The following GOLGB1 variants were observed in gnomAD, a reference collection of about 807,000 sequenced individuals.
GOLGB1 encodes golgin B1, also known as golgin subfamily B member 1.
In GOLGB1, 174 loss-of-function variants were observed where a neutral mutation model predicts 336.9. That is an observed-to-expected ratio of 0.52 (90% CI 0.46 to 0.59). The LOEUF (loss-of-function observed/expected upper bound fraction) is 0.59, where lower values mean the gene tolerates loss of function less well. Among genes scored for constraint, GOLGB1 ranks in the 20% least tolerant of loss-of-function variants. The pLI is 0.00. For synonymous variants in GOLGB1, 1,208 were observed against 1,289.2 expected, an observed-to-expected ratio of 0.94 and a Z score of 1.35; for missense variants, 3,331 against 3,645.3, an observed-to-expected ratio of 0.91 and a Z score of 2.22.
chr3:121,748,708 A>G, intron 1 of GOLGB1: 1 of 534,060 alleles, frequency 1.9e-6, no homozygotes, highest in East Asian at 1.5e-4. Flanking sequence ...ACTTGCTTGC[A>G]TCTTGCACAG....
chr3:121,678,293 G>C (rs1259769047), intron 15 of GOLGB1, among the ~76,000 whole-genome samples: 1 of 152,118 alleles, frequency 6.6e-6, no homozygotes, highest in African/African-American at 2.4e-5. Context: ...ATTCCAAAAA[G>C]CATTTTGCTA....
chr3:121,700,464 A>G (rs1943303685), intron 11 of GOLGB1, among the ~76,000 whole-genome samples: 1 of 152,098 alleles, frequency 6.6e-6, no homozygotes, highest in Non-Finnish European at 1.5e-5. Flanking sequence ...TATATTGAGC[A>G]TCAATATCAA....
chr3:121,676,867 A>G, intron 17 of GOLGB1, 26 bp downstream of exon 17: 1 of 1,607,402 alleles, frequency 6.2e-7, no homozygotes, highest in Non-Finnish European at 8.5e-7. Flanking sequence ...AAGAAACTGA[A>G]TTCCAGTCTA....
chr3:121,740,919 C>T lies in GOLGB1; in HGVS notation c.-3+8713G>A, dbSNP rs1263543080. On this transcript the variant is annotated intron_variant, in intron 1 of 21. Transcript: ENST00000614479. ...TGTCAACTCAGAATGACCAACAAAA[C>T]ACTCTAGTAAAATTACTGGACTTAA... Among the ~76,000 whole-genome samples, 4 of 151,566 alleles carry T rather than the reference C, an allele frequency of 2.6e-5. No homozygotes were observed. In the South Asian group the frequency reaches 6.2e-4, roughly 24 times the overall value.
At chr3:121,700,959 T>TA (rs1288608177) in intron 11 of GOLGB1, among the ~76,000 whole-genome samples, 2 of 152,122 alleles carry the variant, frequency 1.3e-5, no homozygotes, top group East Asian at 3.8e-4. Flanking sequence ...TCCCCTCCAA[T>TA]ATGTTCATAG....
At chr3:121,682,765 C>T (rs1941226812) in intron 14 of GOLGB1, among the ~76,000 whole-genome samples, 1 of 151,996 alleles carries the variant, frequency 6.6e-6, no homozygotes, top group Non-Finnish European at 1.5e-5. Context: ...GCACAAAACA[C>T]AAGAACAGGA....
intron 20 of GOLGB1, among the ~76,000 whole-genome samples, chr3:121,665,322 T>C (rs1476125215): frequency 6.6e-6 from 1 of 152,240 alleles, no homozygotes; most frequent in East Asian, 1.9e-4. Flanking sequence ...GTTGGTCTTA[T>C]TATCTTCAAA....
intron 10 of GOLGB1, among the ~76,000 whole-genome samples, chr3:121,707,768 C>T (rs1370814519): frequency 1.3e-5 from 2 of 152,100 alleles, no homozygotes; most frequent in African/African-American, 4.8e-5. Context: ...TAACCACAAC[C>T]ATTTGTTTAC....
Position 121,694,121 on chromosome 3 carries a change from C to T in GOLGB1, c.6402G>A (p.Gln2134=). 1 of 1,613,900 alleles carries T rather than the reference C, an allele frequency of 6.2e-7. No homozygotes were observed. The highest frequency in any genetic ancestry group is 8.5e-7 in the Non-Finnish European group (1 of 1,180,012). ...TCTCTTTCAGGTGCTTCTCTTCTGC[C>T]TGTTCCAGTCTTCGCTCAAGATCTT... The part of the protein sequence containing the change: ...KDEDLERRLE[Q]AEEKHLKEKK... The change falls in exon 13 of 22, where the codon CAG becomes CAA. Residue 2134 remains glutamine (Q), a synonymous_variant. Coordinates refer to ENST00000614479, the MANE Select transcript of GOLGB1 (RefSeq NM_001366282.2).
intron 20 of GOLGB1, among the ~76,000 whole-genome samples, chr3:121,665,446 C>T (rs1010504260): frequency 6.6e-6 from 1 of 151,652 alleles, no homozygotes; most frequent in Non-Finnish European, 1.5e-5. Context: ...CTTTTTTCCA[C>T]CACACCACAC....
intron 1 of GOLGB1, among the ~76,000 whole-genome samples, chr3:121,745,087 T>C (rs1055342809): frequency 1.4e-4 from 22 of 152,108 alleles, no homozygotes; most frequent in Non-Finnish European, 3.2e-4. Context: ...GTTGTAGGCT[T>C]TTGGTAGCTC....
intron 1 of GOLGB1, among the ~76,000 whole-genome samples, chr3:121,748,372 A>G (rs926621802): frequency 2.0e-5 from 3 of 152,244 alleles, no homozygotes; most frequent in Non-Finnish European, 4.4e-5. Context: ...TGCATGCTCA[A>G]AAATGTTTTA....
At position 121,696,733 on chromosome 3, in the gene GOLGB1, A is replaced by G. The variant is rs750461510; in HGVS notation, c.3790T>C (p.Ser1264Pro). 1 of 1,614,112 alleles carries G rather than the reference A, an allele frequency of 6.2e-7. No individual in the cohort carries two copies. Among genetic ancestry groups the G allele is most frequent in the East Asian group, 2.2e-5 (1 of 44,876 alleles). The change falls in exon 13 of 22, where the codon TCC (serine) becomes CCC (proline). Residue 1264 changes from serine to proline, a missense_variant. Ser to Pro is a moderately conservative substitution (Grantham distance 74, BLOSUM62 -1). Transcript: ENST00000614479. Reference sequence around the variant, plus strand: ...AAAGGTTCTTCTAAACCTGGAGTGGAAGAACACGATTCCTGCTGGTCTGTG... The same window carrying G: ...AAAGGTTCTTCTAAACCTGGAGTGGGAGAACACGATTCCTGCTGGTCTGTG... The part of the protein sequence containing the change: ...PSTDQQESCS[S>P]TPGLEEPLFK...
intron 5 of GOLGB1, among the ~76,000 whole-genome samples, chr3:121,725,471 TG>T (rs1360154050): frequency 6.6e-6 from 1 of 152,240 alleles, no homozygotes; most frequent in South Asian, 2.1e-4. Context: ...AGAATGAGAA[TG>T]TGAACCCTAT....
At chr3:121,687,887 G>GA (rs1195174335) in intron 14 of GOLGB1, among the ~76,000 whole-genome samples, 1 of 152,120 alleles carries the variant, frequency 6.6e-6, no homozygotes. Flanking sequence ...GGTCTGAAAA[G>GA]ACAGACAAAA....
intron 5 of GOLGB1, among the ~76,000 whole-genome samples, chr3:121,725,821 GAA>G (rs1182420177): frequency 2.0e-5 from 3 of 151,936 alleles, no homozygotes; most frequent in African/African-American, 7.3e-5. Flanking sequence ...TTTATAAGAA[GAA>G]GAGAGACCTG....
chr3:121,695,901 G>A lies in GOLGB1; in HGVS notation c.4622C>T (p.Thr1541Met), dbSNP rs768613409. Residue 1541 changes from threonine (T) to methionine (M), a missense_variant, in exon 13 of 22, where the codon ACG becomes ATG. Coordinates refer to ENST00000614479, the MANE Select transcript of GOLGB1 (RefSeq NM_001366282.2). ...QVSAQNKEKD[T>M]VLGRLALLQE... is the part of the protein sequence containing the mutation. ...AAGAAGAGCTAACCTTCCTAAGACCGTATCTTTTTCTTTATTTTGAGCAGA... is the reference window on the plus strand; with the variant it reads ...AAGAAGAGCTAACCTTCCTAAGACCATATCTTTTTCTTTATTTTGAGCAGA... 22 of 1,613,138 alleles carry A rather than the reference G, an allele frequency of 1.4e-5. No homozygotes were observed. The highest frequency in any genetic ancestry group is 7.7e-5 in the South Asian group (7 of 90,950).
intron 20 of GOLGB1, among the ~76,000 whole-genome samples, chr3:121,667,160 G>T (rs750085849): frequency 2.6e-5 from 4 of 152,102 alleles, no homozygotes; most frequent in Admixed American, 6.5e-5. Flanking sequence ...AGAAAATGAG[G>T]TTGTCACTTA....
Position 121,705,269 on chromosome 3 carries a change from T to C in GOLGB1, c.1405-2674A>G, listed in dbSNP as rs185403891. Among the ~76,000 whole-genome samples, 90 of 152,260 alleles carry C rather than the reference T, an allele frequency of 5.9e-4. No homozygotes were observed. In the East Asian group the frequency reaches 6.9e-3, roughly 12 times the overall value. ...TGGATATATGTTATACTTCCTAGAA[T>C]AACCACTTAAAAAATTTTTGTAAAA... On this transcript the variant is annotated intron_variant, in intron 10 of 21. Coordinates refer to ENST00000614479, the MANE Select transcript of GOLGB1 (RefSeq NM_001366282.2).
Sources: allele counts gnomAD v4.1 joint callset (sites outside exome capture counted in the v4.1 genomes callset), GRCh38; gene constraint gnomAD v4.1.1; transcripts MANE v1.5; gene names NCBI Gene and HGNC (gene_info 2026-07-23, HGNC 2026-07-21).